The following WWOX variants were observed in gnomAD, a reference collection of about 807,000 sequenced individuals.
WWOX encodes WW domain-containing oxidoreductase.
In WWOX, 69 loss-of-function variants were observed where a neutral mutation model predicts 46.2. The ratio of observed to expected loss-of-function variants is 1.49; its 90% CI spans 1.23 to 1.82. The LOEUF is 1.82. WWOX is among the 40% of genes most tolerant of loss of function. The probability of loss-of-function intolerance (pLI) is 0.00; values close to 1 mark genes in which losing one functional copy is unlikely to be tolerated. For missense variants in WWOX, 919 were observed against 542.6 expected, an observed-to-expected ratio of 1.69 and a Z score of -6.89; for synonymous variants, 359 against 202.6, an observed-to-expected ratio of 1.77 and a Z score of -6.56.
rs368835450 is a variant in WWOX, at chr16:78,929,389, C to T, written c.1057-282219C>T. Among the ~76,000 whole-genome samples the T allele has an allele frequency of 3.3e-3, 505 of 151,846 alleles. 3 individuals are homozygous for T. The highest frequency in any genetic ancestry group is 0.011 in the African/African-American group (475 of 41,402). The stretch of plus-strand genomic sequence containing the variant: ...TCTCCTGCTTGCCTTATTTTTATAA[C>T]AGTGATTTATAAAGACATTACTAAA... On this transcript the variant is annotated intron_variant, in intron 8 of 8. Transcript: ENST00000566780.
At chr16:79,113,856 G>A (rs2049461565) in intron 8 of WWOX, among the ~76,000 whole-genome samples, 1 of 152,226 alleles carries the variant, frequency 6.6e-6, no homozygotes, top group South Asian at 2.1e-4. Flanking sequence ...ATGACAATTT[G>A]CTTTCTGTAA....
At chr16:78,157,951 G>C (rs915806479) in intron 4 of WWOX, among the ~76,000 whole-genome samples, 1 of 152,164 alleles carries the variant, frequency 6.6e-6, no homozygotes, top group Admixed American at 6.5e-5. Flanking sequence ...ATTATGTTAG[G>C]CTCTCAATAT....
chr16:78,439,191 G>A (rs2083394973), intron 8 of WWOX, among the ~76,000 whole-genome samples: 1 of 152,158 alleles, frequency 6.6e-6, no homozygotes, highest in African/African-American at 2.4e-5. Context: ...GGGAAATATG[G>A]TTTTCAAAGT....
At chr16:79,100,871 A>G (rs189591827) in intron 8 of WWOX, among the ~76,000 whole-genome samples, 582 of 152,034 alleles carry the variant, frequency 3.8e-3, no homozygotes, top group Non-Finnish European at 6.1e-3. Flanking sequence ...TGTATTAACA[A>G]GATGTCCACT....
chr16:78,276,223 C>T (rs1236909316), intron 5 of WWOX, among the ~76,000 whole-genome samples: 2 of 152,158 alleles, frequency 1.3e-5, no homozygotes, highest in African/African-American at 4.8e-5. Context: ...TTACTCTCAC[C>T]AGCTCTTAGA....
Position 78,321,316 on chromosome 16 carries a change from GTA to G in WWOX, c.517-65535_517-65534del, listed in dbSNP as rs1211688639. On this transcript the variant is annotated intron_variant, in intron 5 of 8. Transcript: ENST00000566780. ...CGTATATATATACGTATATATATGC[GTA>G]TATATATACGTATATATGCGTATAT... Among the ~76,000 whole-genome samples, 48 of 100,058 alleles carry G rather than the reference GTA, an allele frequency of 4.8e-4. 5 individuals carry two copies. Among genetic ancestry groups the G allele is most frequent in the South Asian group, 1.5e-3 (5 of 3,300 alleles). The allele number at this position is 100,058 out of a possible 152,430, so 65.6% of individuals were successfully genotyped here. A position where few individuals can be genotyped will look rare whatever the true frequency, so the allele number is the denominator to read the frequency against.
intron 8 of WWOX, among the ~76,000 whole-genome samples, chr16:79,141,751 G>A (rs1214691389): frequency 1.3e-5 from 2 of 152,076 alleles, no homozygotes; most frequent in Non-Finnish European, 2.9e-5. Flanking sequence ...CCAGAAGGAA[G>A]CAGTGTCCAT....
At chr16:79,028,566 C>G (rs1368407302) in intron 8 of WWOX, among the ~76,000 whole-genome samples, 1 of 151,484 alleles carries the variant, frequency 6.6e-6, no homozygotes, top group Non-Finnish European at 1.5e-5. Flanking sequence ...CCTCCTCTCT[C>G]CTTCCTTCCC....
intron 8 of WWOX, among the ~76,000 whole-genome samples, chr16:79,013,892 A>G (rs1021322307): frequency 6.6e-6 from 1 of 151,806 alleles, no homozygotes; most frequent in Non-Finnish European, 1.5e-5. Context: ...CATATTTTTC[A>G]TTTGGTTTCC....
chr16:78,205,567 A>G (rs947260840), intron 5 of WWOX, among the ~76,000 whole-genome samples: 7 of 151,184 alleles, frequency 4.6e-5, no homozygotes, highest in East Asian at 2.0e-4. Context: ...CCATCTGCCA[A>G]TCCACCCACC....
At chr16:78,275,901 G>T (rs1244234098) in intron 5 of WWOX, among the ~76,000 whole-genome samples, 1 of 152,000 alleles carries the variant, frequency 6.6e-6, no homozygotes, top group Non-Finnish European at 1.5e-5. Flanking sequence ...CTCTTGTCGA[G>T]GAGTGCACTG....
At chr16:78,769,892 G>C (rs1018758407) in intron 8 of WWOX, among the ~76,000 whole-genome samples, 2 of 151,768 alleles carry the variant, frequency 1.3e-5, no homozygotes, top group East Asian at 1.9e-4. Flanking sequence ...TAAATAAAAA[G>C]TAGTTGGGCG....
chr16:78,913,967 G>C (rs572285292), intron 8 of WWOX, among the ~76,000 whole-genome samples: 1 of 151,996 alleles, frequency 6.6e-6, no homozygotes, highest in African/African-American at 2.4e-5. Context: ...GGCCCATACT[G>C]CTATTCCAGA....
intron 5 of WWOX, among the ~76,000 whole-genome samples, chr16:78,267,769 T>C (rs1258626369): frequency 6.6e-6 from 1 of 152,142 alleles, no homozygotes; most frequent in Non-Finnish European, 1.5e-5. Context: ...ATTGATTGAT[T>C]GATTGATTGA....
chr16:78,418,336 C>T (rs761732319), intron 6 of WWOX, among the ~76,000 whole-genome samples: 1 of 151,560 alleles, frequency 6.6e-6, no homozygotes, highest in African/African-American at 2.4e-5. Context: ...TGCACTCCAG[C>T]CTGGGCAGGA....
At chr16:78,883,582 A>G (rs1479464909) in intron 8 of WWOX, among the ~76,000 whole-genome samples, 1 of 151,876 alleles carries the variant, frequency 6.6e-6, no homozygotes, top group Non-Finnish European at 1.5e-5. Context: ...AAATTACCTG[A>G]GTGTGGTGGT....
chr16:78,444,427 C>A (rs934047000), intron 8 of WWOX, among the ~76,000 whole-genome samples: 4 of 151,792 alleles, frequency 2.6e-5, no homozygotes, highest in African/African-American at 9.7e-5. Context: ...CATTGTATTT[C>A]ATAAATTTTG....
chr16:78,778,706 A>T (rs1234455480), intron 8 of WWOX, among the ~76,000 whole-genome samples: 1 of 152,210 alleles, frequency 6.6e-6, no homozygotes. Flanking sequence ...GTTCAAGGGA[A>T]GGTTTGCAGA....
intron 5 of WWOX, chr16:78,266,191 G>C (rs2079357722): frequency 6.6e-6 from 1 of 152,156 alleles, no homozygotes; most frequent in South Asian, 2.1e-4. Flanking sequence ...ATTTGTAATT[G>C]TTTGGGGGAA....
Sources: gnomAD v4.1 joint callset for allele counts (sites outside exome capture counted in the v4.1 genomes callset) on GRCh38, gnomAD v4.1.1 for gene constraint, MANE v1.5 for transcripts, NCBI Gene and HGNC (gene_info 2026-07-23, HGNC 2026-07-21) for gene names.